The following SGCE variants were observed in gnomAD, a reference collection of about 807,000 sequenced individuals.
SGCE encodes the protein sarcoglycan epsilon, also known as epsilon-sarcoglycan.
SGCE carries 26 observed loss-of-function variants against 57.8 expected under a neutral mutation model. The observed-to-expected ratio is 0.45, with a 90% CI of 0.33 to 0.62. SGCE has a LOEUF of 0.62. SGCE is among the 20% of genes least tolerant of loss of function. SGCE has a pLI of 0.02. For missense variants in SGCE, 468 were observed against 548.6 expected (o/e 0.85, Z 1.47); for synonymous variants, 183 against 189.5 (o/e 0.97, Z 0.28).
At chr7:94,641,477 G>A (rs181721037) in intron 1 of SGCE, among the ~76,000 whole-genome samples, 26 of 152,254 alleles carry the variant, frequency 1.7e-4, no homozygotes, top group Non-Finnish European at 2.4e-4. Flanking sequence ...TGTAAGGGGG[G>A]AAGAGATTAA....
At position 94,588,501 on chromosome 7, in the gene SGCE, T is replaced by G. The variant is rs181781128; in HGVS notation, c.1297+188A>C. On this transcript the variant is annotated intron_variant, in intron 10 of 10. Transcript: ENST00000648936. Reference sequence around the variant, plus strand: ...TCTAAGATCATTTACCCTGTGTTTATCATTCTGATGCCAATCTATGTAATA... The same window carrying G: ...TCTAAGATCATTTACCCTGTGTTTAGCATTCTGATGCCAATCTATGTAATA... 2.8e-6 allele frequency: 4 copies of G among 1,418,886 alleles called. No individual in the cohort carries two copies. In the East Asian group the frequency reaches 1.1e-4, roughly 37 times the overall value. 87.9% of individuals were successfully genotyped at this position (1,418,886 alleles called of 1,614,324 possible). A position where few individuals can be genotyped will look rare whatever the true frequency, so the allele number is the denominator to read the frequency against.
At chr7:94,631,310 T>TA (rs199595446) in intron 1 of SGCE, among the ~76,000 whole-genome samples, 2 of 151,708 alleles carry the variant, frequency 1.3e-5, no homozygotes, top group African/African-American at 4.8e-5. Context: ...TTTTTTTTTT[T>TA]ACCAGTTTGA....
At chr7:94,629,653 A>G in intron 2 of SGCE, 66 bp downstream of exon 2, 1 of 1,382,808 alleles carries the variant, frequency 7.2e-7, no homozygotes, top group Non-Finnish European at 1.0e-6. Context: ...ATATATGTCT[A>G]TATTATGCAA....
intron 1 of SGCE, chr7:94,639,472 C>CA (rs1562885274): frequency 4.4e-6 from 6 of 1,367,904 alleles, no homozygotes; most frequent in South Asian, 2.6e-5. Flanking sequence ...AACAAATGTA[C>CA]AAAAAAATGA....
intron 9 of SGCE, among the ~76,000 whole-genome samples, chr7:94,593,772 C>T (rs962311417): frequency 2.0e-5 from 3 of 152,096 alleles, no homozygotes; most frequent in Admixed American, 6.6e-5. Flanking sequence ...TTCAGTTTCA[C>T]ATGGGGGAAT....
intron 4 of SGCE, 143 bp downstream of exon 4, chr7:94,623,182 G>A: frequency 1.7e-6 from 1 of 573,584 alleles, no homozygotes; most frequent in South Asian, 2.7e-5. Context: ...ATATTGCTTA[G>A]TTTTCTTTTC....
intron 5 of SGCE, among the ~76,000 whole-genome samples, chr7:94,607,163 C>G (rs1050776175): frequency 6.6e-6 from 1 of 152,072 alleles, no homozygotes; most frequent in Non-Finnish European, 1.5e-5. Context: ...AATTAATAAT[C>G]TTCTAAAGCA....
chr7:94,629,523 A>T, intron 2 of SGCE, 196 bp downstream of exon 2: 1 of 535,822 alleles, frequency 1.9e-6, no homozygotes. Context: ...TGCTTTCCTT[A>T]ACATTCAAAA....
intron 1 of SGCE, among the ~76,000 whole-genome samples, chr7:94,649,977 A>G (rs954940710): frequency 6.6e-6 from 1 of 152,200 alleles, no homozygotes; most frequent in Non-Finnish European, 1.5e-5. Context: ...GAAGCCCTAT[A>G]TAATCCACAA....
intron 5 of SGCE, among the ~76,000 whole-genome samples, chr7:94,604,473 T>C (rs1285415556): frequency 6.6e-6 from 1 of 151,590 alleles, no homozygotes; most frequent in Non-Finnish European, 1.5e-5. Context: ...AAACTCACAA[T>C]TCCCAATTTG....
chr7:94,588,202 T>G (rs1268533153), intron 10 of SGCE: 1 of 1,071,714 alleles, frequency 9.3e-7, no homozygotes, highest in African/African-American at 1.7e-5. Flanking sequence ...GCCATCTTGT[T>G]GTCATTGGTC....
intron 9 of SGCE, among the ~76,000 whole-genome samples, chr7:94,590,241 A>G (rs1016089640): frequency 3.3e-5 from 5 of 152,160 alleles, no homozygotes; most frequent in Non-Finnish European, 7.4e-5. Context: ...AATTCCCATG[A>G]GAAATGTTAT....
intron 5 of SGCE, among the ~76,000 whole-genome samples, chr7:94,604,805 G>GAA (rs1799800071): frequency 2.9e-5 from 1 of 34,056 alleles, no homozygotes; most frequent in Non-Finnish European, 5.5e-5. Flanking sequence ...AATGGTGCTG[G>GAA]AATATATATA....
At position 94,629,779 on chromosome 7, in the gene SGCE, A is replaced by G. The variant is rs748106020; in HGVS notation, c.172T>C (p.Phe58Leu). The change falls in exon 2 of 11, where the codon TTT becomes CTT. Residue 58 changes from phenylalanine to leucine, a missense_variant. Phe to Leu is a conservative substitution (Grantham distance 22, BLOSUM62 0). Coordinates refer to ENST00000648936, the MANE Select transcript of SGCE (RefSeq NM_003919.3). ...TATTCTCTTTCCAAAACATGAACAA[A>G]GAGGACACCTGCTGATGGGTATACA... is the stretch of plus-strand genomic sequence containing the variant. The part of the protein sequence containing the change: ...RNVYPSAGVL[F>L]VHVLEREYFK... 1 of 1,611,316 alleles carries G rather than the reference A, an allele frequency of 6.2e-7. No homozygotes were observed. The highest frequency in any genetic ancestry group is 8.5e-7 in the Non-Finnish European group (1 of 1,177,914).
intron 1 of SGCE, among the ~76,000 whole-genome samples, chr7:94,646,048 T>C (rs1428952422): frequency 2.0e-5 from 3 of 152,186 alleles, no homozygotes; most frequent in African/African-American, 7.2e-5. Context: ...GCGACAGCCA[T>C]ACCAAACTCC....
chr7:94,610,911 C>T (rs888902147), intron 5 of SGCE, among the ~76,000 whole-genome samples: 4 of 152,064 alleles, frequency 2.6e-5, no homozygotes, highest in South Asian at 2.1e-4. Flanking sequence ...TCAACATCAC[C>T]GGCCATCAGC....
intron 5 of SGCE, among the ~76,000 whole-genome samples, chr7:94,605,470 CAT>C (rs1245091412): frequency 6.7e-6 from 1 of 149,974 alleles, no homozygotes; most frequent in African/African-American, 2.5e-5. Flanking sequence ...TATATATCTA[CAT>C]ATATGTTTAT....
At chr7:94,589,318 C>T (rs79065506) in intron 9 of SGCE, 12,535 of 156,828 alleles carry the variant, frequency 0.08, 1,725 homozygotes, top group African/African-American at 0.29. Flanking sequence ...TTTGACATTT[C>T]TTTTTGTCTC....
intron 3 of SGCE, chr7:94,626,864 C>T (rs1238372721): frequency 6.6e-6 from 1 of 151,894 alleles, no homozygotes; most frequent in East Asian, 1.9e-4. Flanking sequence ...CACTTCTATT[C>T]CTAGTTTGCC....
Sources: allele counts gnomAD v4.1 joint callset (sites outside exome capture counted in the v4.1 genomes callset), GRCh38; gene constraint gnomAD v4.1.1; transcripts MANE v1.5; gene names NCBI Gene and HGNC (gene_info 2026-07-23, HGNC 2026-07-21).